The following RIMS1 variants were observed in gnomAD, a reference collection of about 807,000 sequenced individuals.
RIMS1 encodes the protein regulating synaptic membrane exocytosis 1.
RIMS1 carries 83 observed loss-of-function variants against 214.1 expected under a neutral mutation model. That is an observed-to-expected ratio of 0.39 (90% confidence interval 0.32 to 0.47). The LOEUF (loss-of-function observed/expected upper bound fraction) is 0.47, where lower values mean the gene tolerates loss of function less well. Among genes scored for constraint, RIMS1 ranks in the 20% least tolerant of loss-of-function variants. The pLI is 0.99. For missense variants in RIMS1, 2,050 were observed against 2,161.8 expected, an observed-to-expected ratio of 0.95 and a Z score of 1.03; for synonymous variants, 793 against 786.8, an observed-to-expected ratio of 1.01 and a Z score of -0.13.
intron 2 of RIMS1, among the ~76,000 whole-genome samples, chr6:72,026,021 G>T (rs1816328690): frequency 6.6e-6 from 1 of 152,120 alleles, no homozygotes; most frequent in Admixed American, 6.6e-5. Context: ...GGCAGAAGCT[G>T]CAATGTCTTT....
chr6:72,168,907 T>C (rs2153950599), intron 4 of RIMS1, among the ~76,000 whole-genome samples: 1 of 151,984 alleles, frequency 6.6e-6, no homozygotes, highest in African/African-American at 2.4e-5. Flanking sequence ...GTAACAAGGG[T>C]AGGCTAAGAT....
intron 27 of RIMS1, among the ~76,000 whole-genome samples, chr6:72,312,869 A>T (rs1035380504): frequency 1.3e-5 from 2 of 152,322 alleles, no homozygotes; most frequent in Non-Finnish European, 2.9e-5. Context: ...ATACAGGTGG[A>T]AGCAGTCTAT....
intron 29 of RIMS1, among the ~76,000 whole-genome samples, chr6:72,341,453 A>G (rs1362279768): frequency 6.6e-6 from 1 of 151,836 alleles, no homozygotes; most frequent in Non-Finnish European, 1.5e-5. Flanking sequence ...TACAACTGAG[A>G]CTATGATTTC....
At chr6:72,135,434 A>T (rs1039309189) in intron 4 of RIMS1, among the ~76,000 whole-genome samples, 1 of 152,180 alleles carries the variant, frequency 6.6e-6, no homozygotes, top group Admixed American at 6.5e-5. Context: ...TACTCCTTAC[A>T]TGTCCACTTA....
chr6:71,930,519 A>G (rs1247553989), intron 1 of RIMS1, among the ~76,000 whole-genome samples: 1 of 151,984 alleles, frequency 6.6e-6, no homozygotes. Flanking sequence ...ACCTTGTTTT[A>G]TAGATGAAAA....
intron 29 of RIMS1, among the ~76,000 whole-genome samples, chr6:72,351,625 G>T (rs1478398357): frequency 6.6e-6 from 1 of 152,162 alleles, no homozygotes; most frequent in Non-Finnish European, 1.5e-5. Context: ...CAGCTAGTAA[G>T]TGGCAAAGAA....
chr6:72,392,353 A>G (rs1387910511), intron 30 of RIMS1, among the ~76,000 whole-genome samples: 1 of 152,238 alleles, frequency 6.6e-6, no homozygotes, highest in Non-Finnish European at 1.5e-5. Context: ...CCTAATGTTC[A>G]TGAGCAAGTA....
intron 4 of RIMS1, among the ~76,000 whole-genome samples, chr6:72,162,511 C>T (rs1187973592): frequency 2.8e-5 from 4 of 140,370 alleles, no homozygotes; most frequent in African/African-American, 4.9e-5. Flanking sequence ...GGTATGTTTT[C>T]GCAGTGGCTG....
intron 27 of RIMS1, among the ~76,000 whole-genome samples, chr6:72,308,020 G>T (rs35375040): frequency 0.078 from 11,877 of 151,974 alleles, 589 homozygotes; most frequent in South Asian, 0.13. Context: ...TTCCATTTAA[G>T]ATATTAAGGT....
chr6:72,292,200 G>C (rs2093491839), intron 26 of RIMS1, among the ~76,000 whole-genome samples, 154 bp downstream of exon 26: 2 of 152,078 alleles, frequency 1.3e-5, no homozygotes, highest in African/African-American at 2.4e-5. Context: ...CCAACACCTA[G>C]TGACAGTGGT....
chr6:72,263,033 G>T (rs1167816549), intron 19 of RIMS1: 6 of 840,778 alleles, frequency 7.1e-6, no homozygotes, highest in African/African-American at 1.8e-5. Flanking sequence ...ATAGAGTAAG[G>T]ATTCAAAATC....
intron 33 of RIMS1, 144 bp from the exon 34 acceptor site, chr6:72,400,352 G>A (rs908141525): frequency 3.0e-6 from 2 of 667,642 alleles, no homozygotes; most frequent in East Asian, 2.7e-5. Context: ...TCTTATCTGT[G>A]CCTTCTCCTT....
Position 71,888,481 on chromosome 6 carries a change from C to G in RIMS1, c.164+1294C>G, listed in dbSNP as rs186903571. 2.4e-3 allele frequency among the ~76,000 whole-genome samples: 371 copies of G among 152,268 alleles called. 2 individuals carry two copies. Among genetic ancestry groups the G allele is most frequent in the Non-Finnish European group, 1.0e-3 (68 of 68,016 alleles). On this transcript the variant is annotated intron_variant, in intron 1 of 33. Transcript: ENST00000521978. ...AGACACAGAGCACATTCTGCATGGCCTCTCCCCCACCCCCTAGAAGTGCCT... is the reference window on the plus strand; with the variant it reads ...AGACACAGAGCACATTCTGCATGGCGTCTCCCCCACCCCCTAGAAGTGCCT...
intron 2 of RIMS1, among the ~76,000 whole-genome samples, chr6:72,067,274 G>A (rs1586161453): frequency 6.6e-6 from 1 of 152,084 alleles, no homozygotes; most frequent in Non-Finnish European, 1.5e-5. Flanking sequence ...TCTGCCACCG[G>A]CCATGTATTC....
At chr6:72,109,632 T>G (rs920287906) in intron 4 of RIMS1, among the ~76,000 whole-genome samples, 5 of 152,080 alleles carry the variant, frequency 3.3e-5, no homozygotes, top group African/African-American at 1.2e-4. Context: ...TTGAGAAAAT[T>G]TTCTCCCATT....
chr6:72,021,207 A>AT (rs1330553426), intron 2 of RIMS1, among the ~76,000 whole-genome samples: 1 of 152,176 alleles, frequency 6.6e-6, no homozygotes, highest in African/African-American at 2.4e-5. Context: ...TGAGACCATA[A>AT]TTTTTTTAAA....
At chr6:72,099,339 G>A (rs2032932152) in intron 3 of RIMS1, among the ~76,000 whole-genome samples, 1 of 152,004 alleles carries the variant, frequency 6.6e-6, no homozygotes, top group Non-Finnish European at 1.5e-5. Flanking sequence ...ATATTTAAAG[G>A]AACAAAATAA....
At chr6:72,241,348 C>A (rs1256084546) in intron 9 of RIMS1, among the ~76,000 whole-genome samples, 5 of 152,028 alleles carry the variant, frequency 3.3e-5, no homozygotes, top group Non-Finnish European at 7.4e-5. Context: ...CTCAGTGCAT[C>A]GAGGTTGAAA....
intron 31 of RIMS1, among the ~76,000 whole-genome samples, chr6:72,393,368 G>A (rs1289683304): frequency 6.6e-6 from 1 of 152,078 alleles, no homozygotes; most frequent in African/African-American, 2.4e-5. Flanking sequence ...ACAATACTGA[G>A]GCTTGATAGA....
Sources: gnomAD v4.1 joint callset for allele counts (sites outside exome capture counted in the v4.1 genomes callset) on GRCh38, gnomAD v4.1.1 for gene constraint, MANE v1.5 for transcripts, NCBI Gene and HGNC (gene_info 2026-07-23, HGNC 2026-07-21) for gene names.